Variants in GRM8 observed in about 807,000 individuals in gnomAD.
GRM8 encodes the protein metabotropic glutamate receptor 8.
A neutral mutation model predicts 87.2 loss-of-function variants in GRM8; 47 were observed. That is an observed-to-expected ratio of 0.54 (90% CI 0.43 to 0.69). The LOEUF is 0.69. Ranked by LOEUF, GRM8 falls within the 30% of genes least tolerant of loss-of-function variation. The pLI is 0.00. For missense variants in GRM8, 1,019 were observed against 1,139.2 expected, an observed-to-expected ratio of 0.89 and a Z score of 1.52; for synonymous variants, 396 against 404.5, an observed-to-expected ratio of 0.98 and a Z score of 0.25.
At chr7:126,467,897 C>T (rs1804692573) in intron 9 of GRM8, among the ~76,000 whole-genome samples, 1 of 151,974 alleles carries the variant, frequency 6.6e-6, no homozygotes, top group South Asian at 2.1e-4. Flanking sequence ...TTACCATTCT[C>T]AGAACATATC....
intron 7 of GRM8, among the ~76,000 whole-genome samples, chr7:126,695,632 C>T (rs1489889297): frequency 6.6e-6 from 1 of 152,074 alleles, no homozygotes; most frequent in Non-Finnish European, 1.5e-5. Context: ...TGGTCAGTGA[C>T]AATTAAGTAA....
intron 9 of GRM8, among the ~76,000 whole-genome samples, chr7:126,491,832 T>C (rs1808053528): frequency 6.6e-6 from 1 of 152,086 alleles, no homozygotes; most frequent in Admixed American, 6.6e-5. Context: ...GTTTCCTGTC[T>C]AGCCTTCAAT....
At chr7:126,858,565 A>G (rs73228923) in intron 6 of GRM8, among the ~76,000 whole-genome samples, 5,191 of 152,272 alleles carry the variant, frequency 0.034, 126 homozygotes, top group Non-Finnish European at 0.052. Context: ...AACTCACACC[A>G]AAGTTCTGTC....
chr7:127,168,939 C>T (rs1239549071), intron 2 of GRM8, among the ~76,000 whole-genome samples: 1 of 151,664 alleles, frequency 6.6e-6, no homozygotes, highest in African/African-American at 2.4e-5. Context: ...AGCAAACCAC[C>T]ATGGCACATG....
intron 6 of GRM8, among the ~76,000 whole-genome samples, chr7:126,878,480 T>G (rs1246765167): frequency 6.6e-6 from 1 of 152,080 alleles, no homozygotes; most frequent in Non-Finnish European, 1.5e-5. Flanking sequence ...CAGCAAAGGC[T>G]TAAAGAGTTG....
chr7:126,686,100 G>A (rs1222004799), intron 7 of GRM8, among the ~76,000 whole-genome samples: 2 of 151,520 alleles, frequency 1.3e-5, no homozygotes, highest in Non-Finnish European at 2.9e-5. Flanking sequence ...TCTGCTGAAA[G>A]TTGAGGAGAC....
At chr7:126,614,761 A>G (rs551864711) in intron 7 of GRM8, among the ~76,000 whole-genome samples, 1 of 152,374 alleles carries the variant, frequency 6.6e-6, no homozygotes, top group South Asian at 2.1e-4. Flanking sequence ...ATCAACTGGA[A>G]GAAAGGGTAT....
intron 8 of GRM8, among the ~76,000 whole-genome samples, chr7:126,537,305 A>T (rs1479524191): frequency 6.6e-6 from 1 of 152,198 alleles, no homozygotes; most frequent in East Asian, 1.9e-4. Flanking sequence ...CTTAATTTTC[A>T]TCAAGGAATC....
intron 9 of GRM8, among the ~76,000 whole-genome samples, chr7:126,467,689 G>T (rs1804666920): frequency 6.6e-6 from 1 of 151,920 alleles, no homozygotes; most frequent in South Asian, 2.1e-4. Flanking sequence ...TACTATGTGT[G>T]CTTAAAACAA....
chr7:126,742,347 G>A (rs1297471910), intron 7 of GRM8, among the ~76,000 whole-genome samples: 5 of 152,020 alleles, frequency 3.3e-5, no homozygotes, highest in Admixed American at 3.3e-4. Context: ...TACCACCAGA[G>A]AGGCTGAAAA....
At chr7:127,020,025 G>T (rs1816100003) in intron 3 of GRM8, among the ~76,000 whole-genome samples, 1 of 152,074 alleles carries the variant, frequency 6.6e-6, no homozygotes, top group Non-Finnish European at 1.5e-5. Flanking sequence ...CTACAGAACA[G>T]ATCCCAACCT....
intron 8 of GRM8, among the ~76,000 whole-genome samples, chr7:126,567,658 G>A (rs1266814690): frequency 6.6e-6 from 1 of 151,926 alleles, no homozygotes; most frequent in Non-Finnish European, 1.5e-5. Context: ...TTAGCTCTCT[G>A]GTGCAAAAAA....
At position 126,767,366 on chromosome 7, in the gene GRM8, G is replaced by T. The variant is rs186923980; in HGVS notation, c.1357+2499C>A. 1.9e-4 allele frequency among the ~76,000 whole-genome samples: 29 copies of T among 152,202 alleles called. 1 individual carries two copies. Among genetic ancestry groups the T allele is most frequent in the Admixed American group, 1.9e-3 (29 of 15,264 alleles). ...TGTGGGTACAAATGCAAAACAGCCA[G>T]AGAAGACTTCTGCTTTTGCTGTAAA... On this transcript the variant is annotated intron_variant, in intron 7 of 10. Coordinates refer to ENST00000339582, the MANE Select transcript of GRM8 (RefSeq NM_000845.3).
chr7:126,996,447 G>T (rs1813181822), intron 3 of GRM8, among the ~76,000 whole-genome samples: 2 of 151,922 alleles, frequency 1.3e-5, no homozygotes, highest in African/African-American at 4.8e-5. Flanking sequence ...GTCCTTACTT[G>T]TCAATAACAA....
chr7:126,940,969 C>T (rs186884967), intron 3 of GRM8, among the ~76,000 whole-genome samples: 1 of 152,264 alleles, frequency 6.6e-6, no homozygotes, highest in African/African-American at 2.4e-5. Context: ...TTTGCAACTA[C>T]CTTGATAAAA....
chr7:127,240,787 CA>C (rs756421855), intron 2 of GRM8, among the ~76,000 whole-genome samples: 9 of 151,956 alleles, frequency 5.9e-5, no homozygotes, highest in Non-Finnish European at 1.0e-4. Context: ...CAGAAAATGC[CA>C]TATGGCACAG....
chr7:126,963,871 A>G (rs1809565171), intron 3 of GRM8, among the ~76,000 whole-genome samples: 1 of 152,188 alleles, frequency 6.6e-6, no homozygotes, highest in Non-Finnish European at 1.5e-5. Flanking sequence ...AATCCAAAGC[A>G]AAAAGAACAA....
chr7:126,826,090 T>G (rs920605169), intron 6 of GRM8, among the ~76,000 whole-genome samples: 7 of 152,320 alleles, frequency 4.6e-5, no homozygotes, highest in African/African-American at 1.7e-4. Flanking sequence ...ATTGTGTATA[T>G]GTGCCACATT....
At chr7:126,908,293 G>A (rs187785874) in intron 3 of GRM8, among the ~76,000 whole-genome samples, 1 of 152,280 alleles carries the variant, frequency 6.6e-6, no homozygotes, top group East Asian at 1.9e-4. Context: ...GAGGAAAGGA[G>A]TGATTAAATA....
Sources: allele counts gnomAD v4.1 joint callset (sites outside exome capture counted in the v4.1 genomes callset), GRCh38; gene constraint gnomAD v4.1.1; transcripts MANE v1.5; gene names NCBI Gene and HGNC (gene_info 2026-07-23, HGNC 2026-07-21).